RIMS2: variants seen among roughly 807,000 people sequenced by gnomAD.
The protein encoded by RIMS2 is regulating synaptic membrane exocytosis 2.
RIMS2 carries 59 observed loss-of-function variants against 174.4 expected under a neutral mutation model. The ratio of observed to expected loss-of-function variants is 0.34; its 90% confidence interval spans 0.27 to 0.42. RIMS2 has a LOEUF of 0.42. RIMS2 is among the 10% of genes least tolerant of loss of function. RIMS2 has a pLI of 1.00. For missense variants in RIMS2, 1,620 were observed against 1,666.3 expected (o/e 0.97, Z 0.48); for synonymous variants, 606 against 572.5 (o/e 1.06, Z -0.84).
chr8:103,711,341 T>C (rs1221955622), intron 2 of RIMS2, among the ~76,000 whole-genome samples: 2 of 152,172 alleles, frequency 1.3e-5, no homozygotes, highest in Non-Finnish European at 2.9e-5. Flanking sequence ...GGGCAGCGCC[T>C]TATTTCATTC....
intron 2 of RIMS2, among the ~76,000 whole-genome samples, chr8:103,701,585 C>T (rs543661322): frequency 6.6e-6 from 1 of 152,170 alleles, no homozygotes; most frequent in African/African-American, 2.4e-5. Flanking sequence ...CCGCTTCCTC[C>T]TACCCTTCCC....
intron 3 of RIMS2, among the ~76,000 whole-genome samples, chr8:103,857,225 T>A (rs1360235002): frequency 6.6e-6 from 1 of 152,172 alleles, no homozygotes; most frequent in East Asian, 1.9e-4. Context: ...TTTACAAATA[T>A]ATTTTGCATT....
intron 3 of RIMS2, among the ~76,000 whole-genome samples, chr8:103,823,084 C>T (rs938985681): frequency 9.9e-5 from 15 of 151,736 alleles, no homozygotes; most frequent in Non-Finnish European, 1.6e-4. Context: ...AATTTTTAGC[C>T]GTCTTTTTTA....
chr8:104,244,080 A>G (rs74589733), intron 19 of RIMS2, among the ~76,000 whole-genome samples: 8 of 152,058 alleles, frequency 5.3e-5, no homozygotes, highest in Admixed American at 5.2e-4. Flanking sequence ...CTCAAATCCC[A>G]CAGCCTCTAT....
chr8:103,608,865 G>T (rs6990854), intron 1 of RIMS2, among the ~76,000 whole-genome samples: 2 of 151,922 alleles, frequency 1.3e-5, no homozygotes, highest in African/African-American at 4.8e-5. Context: ...CACGGTGCAC[G>T]CACCCACTGA....
At chr8:103,838,503 T>C (rs1593488755) in intron 3 of RIMS2, among the ~76,000 whole-genome samples, 1 of 152,194 alleles carries the variant, frequency 6.6e-6, no homozygotes, top group Admixed American at 6.5e-5. Context: ...ATTTTCCATA[T>C]TGGTTTCAAC....
chr8:103,676,192 C>A (rs1165035358), intron 1 of RIMS2, among the ~76,000 whole-genome samples: 1 of 151,410 alleles, frequency 6.6e-6, no homozygotes, highest in Non-Finnish European at 1.5e-5. Context: ...TACACCCTTA[C>A]AAATGGAAAT....
At chr8:103,834,726 TTCTTTCTTTCTTTCTTTCTC>T (rs2098853575) in intron 3 of RIMS2, among the ~76,000 whole-genome samples, 1 of 100,768 alleles carries the variant, frequency 9.9e-6, no homozygotes, top group African/African-American at 4.0e-5. Flanking sequence ...CTTTCTTTCT[TTCTTTCTTTCTTTCTTTCTC>T]TCTCTTTCTT....
chr8:104,053,975 A>C (rs935721047), intron 19 of RIMS2, among the ~76,000 whole-genome samples: 7 of 152,172 alleles, frequency 4.6e-5, no homozygotes, highest in African/African-American at 1.7e-4. Context: ...TCCATGGAGA[A>C]CAACTCACTC....
At chr8:103,875,264 C>T (rs1255469899) in intron 3 of RIMS2, among the ~76,000 whole-genome samples, 2 of 151,758 alleles carry the variant, frequency 1.3e-5, no homozygotes, top group Non-Finnish European at 2.9e-5. Context: ...ATCTCTCACT[C>T]GCATCTCACT....
In RIMS2 at chr8:104,099,321, G is replaced by A. The variant is rs147052601; in HGVS notation, c.3334+84706G>A. On this transcript the variant is annotated intron_variant, in intron 19 of 23. Transcript: ENST00000504942. ...CAACTCATCACAGAGGGTATGATGG[G>A]CTGTGCTCCTCCACCAAGTATTACC... is the stretch of plus-strand genomic sequence containing the variant. Among the ~76,000 whole-genome samples the A allele has an allele frequency of 4.9e-4, 75 of 152,212 alleles. 1 individual carries two copies. Among genetic ancestry groups the A allele is most frequent in the African/African-American group, 1.7e-3 (71 of 41,516 alleles).
intron 1 of RIMS2, among the ~76,000 whole-genome samples, chr8:103,515,993 C>G (rs929692602): frequency 2.6e-5 from 4 of 152,000 alleles, no homozygotes; most frequent in African/African-American, 9.7e-5. Context: ...CTCTCATGTG[C>G]CATCTATACA....
intron 19 of RIMS2, among the ~76,000 whole-genome samples, chr8:104,176,017 A>T (rs907632352): frequency 6.6e-6 from 1 of 151,784 alleles, no homozygotes; most frequent in Admixed American, 6.6e-5. Flanking sequence ...AGGATGGCAC[A>T]TTCATATTCT....
At chr8:103,982,848 G>A (rs1428788562) in intron 16 of RIMS2, among the ~76,000 whole-genome samples, 1 of 152,158 alleles carries the variant, frequency 6.6e-6, no homozygotes, top group Non-Finnish European at 1.5e-5. Flanking sequence ...AACATGGCAA[G>A]GACGCCCAGT....
At chr8:104,173,792 C>A (rs1234004971) in intron 19 of RIMS2, among the ~76,000 whole-genome samples, 1 of 150,726 alleles carries the variant, frequency 6.6e-6, no homozygotes, top group Non-Finnish European at 1.5e-5. Flanking sequence ...CCATGCCTGG[C>A]TAATTTTTTG....
At chr8:103,965,419 T>A (rs550294003) in intron 15 of RIMS2, among the ~76,000 whole-genome samples, 2 of 152,178 alleles carry the variant, frequency 1.3e-5, no homozygotes, top group African/African-American at 4.8e-5. Context: ...GTAAATGGTG[T>A]TGCATTTTTA....
At chr8:103,834,324 T>C (rs1425463602) in intron 3 of RIMS2, among the ~76,000 whole-genome samples, 5 of 137,120 alleles carry the variant, frequency 3.6e-5, no homozygotes, top group African/African-American at 1.3e-4. Flanking sequence ...CTTTTCTTTT[T>C]TCTTTTTCTT....
At chr8:103,783,498 C>A (rs541856589) in intron 3 of RIMS2, among the ~76,000 whole-genome samples, 1 of 151,134 alleles carries the variant, frequency 6.6e-6, no homozygotes, top group South Asian at 2.1e-4. Context: ...TCAATTCCCA[C>A]CTATGAGTGA....
rs765472065 is a variant in RIMS2, at chr8:103,912,049, T to A, written c.1693-4T>A. The A allele has an allele frequency of 1.9e-6, 3 of 1,567,532 alleles. No individual in the cohort carries two copies. The East Asian group carries it at 6.8e-5, about 36-fold the overall frequency. On this transcript the variant is annotated splice_region_variant and splice_polypyrimidine_tract_variant and intron_variant, in intron 5 of 23. Transcript: ENST00000504942. ...TTATTTTGTTTGTTGATGCAAAATG[T>A]CAGCACCCTGTAACCTGGCAACCAT...
Sources: allele counts gnomAD v4.1 joint callset (sites outside exome capture counted in the v4.1 genomes callset), GRCh38; gene constraint gnomAD v4.1.1; transcripts MANE v1.5; gene names NCBI Gene and HGNC (gene_info 2026-07-23, HGNC 2026-07-21).